Variants in CEMIP observed in about 807,000 individuals in gnomAD.
The protein encoded by CEMIP is cell migration-inducing and hyaluronan-binding protein.
A neutral mutation model predicts 156.9 loss-of-function variants in CEMIP; 105 were observed. That is an observed-to-expected ratio of 0.67 (90% CI 0.57 to 0.79). CEMIP has a LOEUF of 0.79. Ranked by LOEUF, CEMIP falls within the 30% of genes least tolerant of loss-of-function variation. The pLI is 0.00. For synonymous variants in CEMIP, 676 were observed against 668.4 expected (o/e 1.01, Z -0.17); for missense variants, 1,457 against 1,769.4 (o/e 0.82, Z 3.17).
intron 12 of CEMIP, chr15:80,897,123 A>G: frequency 3.0e-6 from 1 of 336,726 alleles, no homozygotes; most frequent in Non-Finnish European, 5.9e-6. Flanking sequence ...TATTACCAGA[A>G]GAAAGGGGAA....
chr15:80,921,061 CCAA>C lies in CEMIP; in HGVS notation c.2041_2043del (p.Asn681del). On this transcript the variant is annotated inframe_deletion, in exon 16 of 30. Transcript: ENST00000394685. ...GTGTCCACCTTCTGGATGGCCAATC[CCAA>C]CAACAACCTCATCAACTGTGCCGCT... The C allele has an allele frequency of 6.2e-7, 1 of 1,614,188 alleles. No homozygotes were observed. Among genetic ancestry groups the C allele is most frequent in the Non-Finnish European group, 8.5e-7 (1 of 1,180,022 alleles).
intron 23 of CEMIP, among the ~76,000 whole-genome samples, chr15:80,934,930 G>C (rs142022830): frequency 6.6e-6 from 1 of 152,254 alleles, no homozygotes; most frequent in East Asian, 1.9e-4. Flanking sequence ...GAGCGATAAA[G>C]ATTTGGAAGA....
At chr15:80,788,448 G>A (rs1192136679) in intron 1 of CEMIP, among the ~76,000 whole-genome samples, 1 of 143,702 alleles carries the variant, frequency 7.0e-6, no homozygotes, top group Non-Finnish European at 1.5e-5. Context: ...TCCAGCCTGG[G>A]CAGCAAGAGT....
At position 80,906,530 on chromosome 15, in the gene CEMIP, G is replaced by T; in HGVS notation, c.1412-133G>T. The T allele has an allele frequency of 1.2e-6, 1 of 848,518 alleles. No individual in the cohort carries two copies. Among genetic ancestry groups the T allele is most frequent in the Non-Finnish European group, 1.9e-6 (1 of 538,014 alleles). The allele number at this position is 848,518 out of a possible 1,614,324, so 52.6% of individuals were successfully genotyped here. A position where few individuals can be genotyped will look rare whatever the true frequency, so the allele number is the denominator to read the frequency against. On this transcript the variant is annotated intron_variant, in intron 12 of 29. Coordinates refer to ENST00000394685, the MANE Select transcript of CEMIP (RefSeq NM_001293298.2). This position sits in a 1 kb window ranked among gnomAD's most constrained non-coding sequence, Gnocchi z 4.3. The stretch of plus-strand genomic sequence containing the variant: ...TCACCTCCCTGACCTTCATCCTTCT[G>T]TAACATGAGACCACTGTGCACACCA...
At chr15:80,922,158 C>T in intron 17 of CEMIP, 21 bp downstream of exon 17, 2 of 1,613,864 alleles carry the variant, frequency 1.2e-6, no homozygotes, top group Non-Finnish European at 1.7e-6. Context: ...CCAGGCTGCG[C>T]CTCTCTGGCC....
At chr15:80,848,341 G>A (rs956067847) in intron 1 of CEMIP, among the ~76,000 whole-genome samples, 2 of 152,138 alleles carry the variant, frequency 1.3e-5, no homozygotes, top group Non-Finnish European at 2.9e-5. Context: ...ATTTAGTTCT[G>A]GACAGCCGCC....
At chr15:80,886,261 A>T (rs986754537) in intron 7 of CEMIP, among the ~76,000 whole-genome samples, 17 of 151,810 alleles carry the variant, frequency 1.1e-4, no homozygotes, top group Non-Finnish European at 5.9e-5. Context: ...GAAGGTGGGG[A>T]TGGCGAGGCA....
intron 6 of CEMIP, among the ~76,000 whole-genome samples, chr15:80,882,503 G>A (rs1187962306): frequency 6.6e-6 from 1 of 152,180 alleles, no homozygotes; most frequent in Non-Finnish European, 1.5e-5. Flanking sequence ...ACACTAGAGA[G>A]GATGTCCTCT....
rs1455749940 is a variant in CEMIP at position 80,933,580 on chromosome 15, TTC to T, written c.3009+122_3009+123del. On this transcript the variant is annotated intron_variant, in intron 23 of 29. Coordinates refer to ENST00000394685, the MANE Select transcript of CEMIP (RefSeq NM_001293298.2). ...CCAGAAAGAGATACAGAATTTTTTT[TTC>T]TTTTTCTTTCTTTCCTTTTATTTTT... The T allele has an allele frequency of 8.2e-6, 6 of 728,022 alleles. No homozygotes were observed. In the East Asian group the frequency reaches 1.6e-4, roughly 20 times the overall value. The allele number at this position is 728,022 out of a possible 1,614,324, so 45.1% of individuals were successfully genotyped here. A position where few individuals can be genotyped will look rare whatever the true frequency, so the allele number is the denominator to read the frequency against.
chr15:80,923,992 A>T (rs1231051797), intron 17 of CEMIP, among the ~76,000 whole-genome samples: 1 of 152,190 alleles, frequency 6.6e-6, no homozygotes, highest in African/African-American at 2.4e-5. Flanking sequence ...GAGAAATCTG[A>T]GTATGAGCAT....
At chr15:80,811,186 T>C (rs1896664044) in intron 1 of CEMIP, among the ~76,000 whole-genome samples, 1 of 152,016 alleles carries the variant, frequency 6.6e-6, no homozygotes. Flanking sequence ...TGTCAGGTGG[T>C]TTAGGAGCCC....
intron 1 of CEMIP, among the ~76,000 whole-genome samples, chr15:80,820,049 G>A (rs1896874008): frequency 6.6e-6 from 1 of 152,222 alleles, no homozygotes; most frequent in South Asian, 2.1e-4. Flanking sequence ...TCTTGCCCAT[G>A]TTAATCTTTG....
At chr15:80,799,182 T>C (rs935856301) in intron 1 of CEMIP, among the ~76,000 whole-genome samples, 4 of 152,242 alleles carry the variant, frequency 2.6e-5, no homozygotes, top group African/African-American at 9.6e-5. Flanking sequence ...TGGGTATGTC[T>C]CAGGTTTTGC....
At position 80,906,758 on chromosome 15, in the gene CEMIP, G is replaced by T; in HGVS notation, c.1507G>T (p.Glu503Ter). 2 of 1,614,206 alleles carry T rather than the reference G, an allele frequency of 1.2e-6. No homozygotes were observed. The highest frequency in any genetic ancestry group is 1.7e-6 in the Non-Finnish European group (2 of 1,180,028). Reference protein sequence around the residue: ...LLSRNIIVMGEMEDKCYPYRN... With the variant: ...LLSRNIIVMG ...GAGCCGGAACATCATAGTGATGGGG[G>T]AGATGGAGGACAAATGCTACCCCTA... The change falls in exon 13 of 30, where the codon GAG (glutamate) becomes TAG (stop). Residue 503 changes from glutamate (E) to a stop codon, truncating the protein, a stop_gained. Transcript: ENST00000394685. LOFTEE classifies it high-confidence loss of function. This position sits in a 1 kb window ranked among gnomAD's most constrained non-coding sequence, Gnocchi z 4.3.
intron 28 of CEMIP, chr15:80,946,594 G>C (rs1357913602): frequency 3.9e-6 from 1 of 258,766 alleles, no homozygotes; most frequent in East Asian, 8.4e-5. Flanking sequence ...CCAGGGTTGA[G>C]AACATTCAAG....
At chr15:80,886,744 G>A (rs1898855139) in intron 7 of CEMIP, among the ~76,000 whole-genome samples, 1 of 152,230 alleles carries the variant, frequency 6.6e-6, no homozygotes. Context: ...GAGGTTTGAT[G>A]AAGTGGAGAG....
intron 1 of CEMIP, among the ~76,000 whole-genome samples, chr15:80,846,777 A>G (rs572522387): frequency 1.6e-4 from 25 of 152,364 alleles, no homozygotes; most frequent in African/African-American, 5.5e-4. Context: ...CTTTCTAAGC[A>G]TAAATGTGAA....
chr15:80,894,604 G>A (rs1899147200), intron 10 of CEMIP, among the ~76,000 whole-genome samples: 1 of 152,290 alleles, frequency 6.6e-6, no homozygotes, highest in East Asian at 1.9e-4. Context: ...GCAGAACCAT[G>A]TTTGGACTGT....
At chr15:80,845,656 T>C (rs1357978878) in intron 1 of CEMIP, among the ~76,000 whole-genome samples, 4 of 152,210 alleles carry the variant, frequency 2.6e-5, no homozygotes, top group African/African-American at 7.2e-5. Context: ...TTCTATGAAC[T>C]GATTTTGGTG....
Sources: gnomAD v4.1 joint callset for allele counts (sites outside exome capture counted in the v4.1 genomes callset) on GRCh38, gnomAD v4.1.1 for gene constraint, Gnocchi (gnomAD v3.1) non-coding constraint, MANE v1.5 for transcripts, NCBI Gene and HGNC (gene_info 2026-07-23, HGNC 2026-07-21) for gene names.